The following RAD9B variants were observed in gnomAD, a reference collection of about 807,000 sequenced individuals.
RAD9B encodes cell cycle checkpoint control protein RAD9B.
Under a neutral mutation model 48.3 loss-of-function variants are expected in RAD9B, and 41 were observed. The ratio of observed to expected loss-of-function variants is 0.85; its 90% CI spans 0.66 to 1.10. The LOEUF is 1.10. RAD9B is among the 50% of genes least tolerant of loss of function. The probability of loss-of-function intolerance (pLI) is 0.00; values close to 1 mark genes in which losing one functional copy is unlikely to be tolerated. For synonymous variants in RAD9B, 160 were observed against 157.9 expected (o/e 1.01, Z -0.10); for missense variants, 444 against 485.1 (o/e 0.92, Z 0.80).
chr12:110,502,589 T>TA lies in RAD9B; in HGVS notation c.46+208dup, dbSNP rs200736842. On this transcript the variant is annotated intron_variant, in intron 1 of 10. Transcript: ENST00000409300. Reference sequence around the variant, plus strand: ...ATCTCGTGTGACTTAGAGGCAGATGTAATATGGGTGGTATCCGGGAAATAG... The same window carrying TA: ...ATCTCGTGTGACTTAGAGGCAGATGTAAATATGGGTGGTATCCGGGAAATAG... The TA allele has an allele frequency of 7.7e-3, 4,594 of 593,182 alleles. 19 individuals carry two copies. The highest frequency in any genetic ancestry group is 9.3e-3 in the Non-Finnish European group (3,106 of 334,150). The allele number at this position is 593,182 out of a possible 1,614,324, so 36.7% of individuals were successfully genotyped here. A position where few individuals can be genotyped will look rare whatever the true frequency, so the allele number is the denominator to read the frequency against.
chr12:110,523,203 A>G (rs2063836279), intron 10 of RAD9B, among the ~76,000 whole-genome samples: 1 of 152,126 alleles, frequency 6.6e-6, no homozygotes, highest in Admixed American at 6.6e-5. Flanking sequence ...TAGAAGGCCA[A>G]GGAGGGAAGA....
chr12:110,531,434 T>C lies in RAD9B; in HGVS notation c.*781T>C. ...CTTGAACTCCTGGCCTCAAGTGATC[T>C]GCCCACCTCGGCCTCCCAAAGTGCT... On this transcript the variant is annotated 3_prime_UTR_variant, in exon 11 of 11. Transcript: ENST00000409300. 2.1e-5 allele frequency: 13 copies of C among 610,724 alleles called. No individual in the cohort carries two copies. Among genetic ancestry groups the C allele is most frequent in the Non-Finnish European group, 3.4e-5 (12 of 355,326 alleles). 37.8% of individuals were successfully genotyped at this position (610,724 alleles called of 1,614,324 possible). A position where few individuals can be genotyped will look rare whatever the true frequency, so the allele number is the denominator to read the frequency against.
Position 110,508,751 on chromosome 12 carries a change from C to T in RAD9B, c.388+2058C>T, listed in dbSNP as rs191922374. ...TGCTGGGATTACAGGCATGAGCCACCGCCATGGTTTGATCCAGGGTGCAGC... is the reference window on the plus strand; with the variant it reads ...TGCTGGGATTACAGGCATGAGCCACTGCCATGGTTTGATCCAGGGTGCAGC... On this transcript the variant is annotated intron_variant, in intron 4 of 10. Transcript: ENST00000409300. Among the ~76,000 whole-genome samples the T allele has an allele frequency of 1.7e-4, 26 of 152,170 alleles. No homozygotes were observed. In the East Asian group the frequency reaches 2.9e-3, roughly 17 times the overall value.
chr12:110,524,897 C>A (rs55991901), intron 10 of RAD9B, among the ~76,000 whole-genome samples: 20,376 of 151,940 alleles, frequency 0.13, 1,965 homozygotes, highest in African/African-American at 0.27. Context: ...GTACAATGAT[C>A]ATTTCATTGA....
chr12:110,504,048 C>G (rs2063185849), intron 2 of RAD9B, among the ~76,000 whole-genome samples, 172 bp downstream of exon 2: 1 of 151,602 alleles, frequency 6.6e-6, no homozygotes. Context: ...TGAAAATATG[C>G]AGATAAGCTT....
At chr12:110,526,298 T>C (rs767705398) in intron 10 of RAD9B, among the ~76,000 whole-genome samples, 2 of 152,194 alleles carry the variant, frequency 1.3e-5, no homozygotes, top group Non-Finnish European at 2.9e-5. Flanking sequence ...GCATGGGTGT[T>C]CTCAAGCTTC....
intron 4 of RAD9B, among the ~76,000 whole-genome samples, chr12:110,511,835 A>G (rs1383824716): frequency 6.6e-6 from 1 of 152,104 alleles, no homozygotes. Flanking sequence ...TATCTGTCAC[A>G]TGTACCCCAT....
Position 110,531,787 on chromosome 12 carries a change from T to A in RAD9B, c.*1134T>A. ...CAAAACATTGTTATGTAATGTCTTA[T>A]GATGTGTGCCTCTCCCTCCCCCAAA... On this transcript the variant is annotated 3_prime_UTR_variant, in exon 11 of 11. Transcript: ENST00000409300. 2 of 644,208 alleles carry A rather than the reference T, an allele frequency of 3.1e-6. No individual in the cohort carries two copies. Among genetic ancestry groups the A allele is most frequent in the Non-Finnish European group, 5.3e-6 (2 of 379,262 alleles). 39.9% of individuals were successfully genotyped at this position (644,208 alleles called of 1,614,324 possible).
intron 6 of RAD9B, among the ~76,000 whole-genome samples, chr12:110,515,701 A>G (rs1260248121): frequency 6.6e-6 from 1 of 152,188 alleles, no homozygotes; most frequent in African/African-American, 2.4e-5. Flanking sequence ...TTTTGGCACA[A>G]CAAGCTGTTT....
chr12:110,503,977 T>C (rs2063183354), intron 2 of RAD9B, 101 bp downstream of exon 2: 1 of 657,240 alleles, frequency 1.5e-6, no homozygotes, highest in Non-Finnish European at 2.5e-6. Flanking sequence ...AAATTGTAAT[T>C]ATCCCTTTCA....
chr12:110,519,586 A>G (rs2063712652), intron 8 of RAD9B, among the ~76,000 whole-genome samples: 1 of 151,126 alleles, frequency 6.6e-6, no homozygotes, highest in African/African-American at 2.4e-5. Flanking sequence ...ATGCACCATC[A>G]TGCCCGGCTA....
rs574828629 is a variant in RAD9B at position 110,531,141 on chromosome 12, C to CT, written c.*491dup. The CT allele has an allele frequency of 1.7e-5, 17 of 995,004 alleles. No individual in the cohort carries two copies. Among genetic ancestry groups the CT allele is most frequent in the Non-Finnish European group, 1.3e-5 (11 of 835,216 alleles). 61.6% of individuals were successfully genotyped at this position (995,004 alleles called of 1,614,324 possible). A position where few individuals can be genotyped will look rare whatever the true frequency, so the allele number is the denominator to read the frequency against. Reference sequence around the variant, plus strand: ...GTGCATTGTTTTTTATATTTTAAGACTTTAAGTAGAATAAACCCTGGAAAA... The same window carrying CT: ...GTGCATTGTTTTTTATATTTTAAGACTTTTAAGTAGAATAAACCCTGGAAAA... On this transcript the variant is annotated 3_prime_UTR_variant, in exon 11 of 11. Coordinates refer to ENST00000409300, the MANE Select transcript of RAD9B (RefSeq NM_001286535.2).
At chr12:110,517,953 C>T (rs1430241390) in intron 6 of RAD9B, among the ~76,000 whole-genome samples, 1 of 152,102 alleles carries the variant, frequency 6.6e-6, no homozygotes, top group Non-Finnish European at 1.5e-5. Context: ...CTTTGGGAGG[C>T]TGAGGCGGGT....
At chr12:110,508,193 C>T (rs773776158) in intron 4 of RAD9B, 14 of 169,234 alleles carry the variant, frequency 8.3e-5, no homozygotes, top group Non-Finnish European at 1.5e-4. Context: ...AGTGCATAAG[C>T]TCTCTGAATC....
At chr12:110,518,458 C>A (rs1404994227) in intron 6 of RAD9B, among the ~76,000 whole-genome samples, 1 of 152,086 alleles carries the variant, frequency 6.6e-6, no homozygotes, top group Admixed American at 6.6e-5. Flanking sequence ...GACTTATAGA[C>A]CCTGAATCAT....
In RAD9B at chr12:110,518,783, G is replaced by A; in HGVS notation, c.702+1G>A. 3 of 1,588,036 alleles carry A rather than the reference G, an allele frequency of 1.9e-6. No homozygotes were observed. The highest frequency in any genetic ancestry group is 2.7e-5 in the African/African-American group (2 of 74,138). On this transcript the variant is annotated splice_donor_variant, in intron 7 of 10. Transcript: ENST00000409300. LOFTEE classifies it high-confidence loss of function. The stretch of plus-strand genomic sequence containing the variant: ...AACATTTTGTTTCAAAGAATTGAAG[G>A]TAAATAAAGATTTGTATCAATTTAA...
At chr12:110,506,082 C>T (rs925988117) in intron 3 of RAD9B, among the ~76,000 whole-genome samples, 7 of 151,586 alleles carry the variant, frequency 4.6e-5, no homozygotes, top group East Asian at 1.9e-4. Context: ...ATGAGGGTTT[C>T]GCCATGTTGG....
At chr12:110,506,460 T>A in intron 3 of RAD9B, 119 bp from the exon 4 acceptor site, 1 of 592,164 alleles carries the variant, frequency 1.7e-6, no homozygotes, top group South Asian at 1.6e-5. Context: ...AGTGCTGGGA[T>A]TACAGGCGTG....
chr12:110,511,827 T>C (rs1348290871), intron 4 of RAD9B, among the ~76,000 whole-genome samples: 1 of 152,120 alleles, frequency 6.6e-6, no homozygotes, highest in Non-Finnish European at 1.5e-5. Flanking sequence ...TAACAAAATA[T>C]CTGTCACATG....
Sources: allele counts gnomAD v4.1 joint callset (sites outside exome capture counted in the v4.1 genomes callset), GRCh38; gene constraint gnomAD v4.1.1; transcripts MANE v1.5; gene names NCBI Gene and HGNC (gene_info 2026-07-23, HGNC 2026-07-21).